The following MTMR7 variants were observed in gnomAD, a reference collection of about 807,000 sequenced individuals.
MTMR7 encodes the protein myotubularin related protein 7.
In MTMR7, 76 loss-of-function variants were observed where a neutral mutation model predicts 81.2. That is an observed-to-expected ratio of 0.94 (90% CI 0.78 to 1.13). The LOEUF is 1.13. Ranked by LOEUF, MTMR7 falls within the 50% of genes most tolerant of loss-of-function variation. The probability of loss-of-function intolerance (pLI) is 0.00; values close to 1 mark genes in which losing one functional copy is unlikely to be tolerated. For missense variants in MTMR7, 1,044 were observed against 820.0 expected, an observed-to-expected ratio of 1.27 and a Z score of -3.34; for synonymous variants, 372 against 289.8, an observed-to-expected ratio of 1.28 and a Z score of -2.88.
intron 1 of MTMR7, among the ~76,000 whole-genome samples, chr8:17,410,179 T>C (rs1003276010): frequency 2.6e-5 from 4 of 152,132 alleles, no homozygotes; most frequent in Non-Finnish European, 4.4e-5. Context: ...AGGGTCAGAC[T>C]AGGGGGTAGG....
intron 1 of MTMR7, among the ~76,000 whole-genome samples, chr8:17,394,896 G>A (rs1192686057): frequency 6.6e-6 from 1 of 151,996 alleles, no homozygotes; most frequent in Non-Finnish European, 1.5e-5. Flanking sequence ...TTATGTGCCA[G>A]GAAATGTATT....
intron 4 of MTMR7, among the ~76,000 whole-genome samples, chr8:17,352,191 T>A (rs1243184395): frequency 2.0e-5 from 3 of 152,268 alleles, no homozygotes; most frequent in African/African-American, 7.2e-5. Flanking sequence ...CAAAATATAG[T>A]ACAAAGCCAT....
intron 1 of MTMR7, among the ~76,000 whole-genome samples, chr8:17,402,774 G>C (rs1320466037): frequency 1.3e-5 from 2 of 152,156 alleles, no homozygotes; most frequent in Non-Finnish European, 2.9e-5. Context: ...TAGTGGGCTT[G>C]CTGGATTGTA....
At chr8:17,375,968 C>T (rs1820573738) in intron 1 of MTMR7, among the ~76,000 whole-genome samples, 1 of 152,162 alleles carries the variant, frequency 6.6e-6, no homozygotes, top group South Asian at 2.1e-4. Flanking sequence ...GTTTTTAGCA[C>T]ATTCACAACA....
chr8:17,348,800 G>A (rs981810190), intron 5 of MTMR7, among the ~76,000 whole-genome samples, 153 bp downstream of exon 5: 4 of 152,114 alleles, frequency 2.6e-5, no homozygotes, highest in Admixed American at 2.6e-4. Flanking sequence ...ACTTAGCATA[G>A]TTGTATCATG....
At chr8:17,317,264 A>G (rs1005715907) in intron 7 of MTMR7, among the ~76,000 whole-genome samples, 1 of 152,178 alleles carries the variant, frequency 6.6e-6, no homozygotes, top group African/African-American at 2.4e-5. Context: ...TGCCGTGTGC[A>G]TGGGCAGGCT....
At chr8:17,345,230 C>T (rs527964616) in intron 5 of MTMR7, among the ~76,000 whole-genome samples, 15 of 152,350 alleles carry the variant, frequency 9.8e-5, no homozygotes, top group South Asian at 4.1e-4. Context: ...TTCCCTGCCA[C>T]GCTCTGCTCC....
At chr8:17,317,474 T>C (rs73666111) in intron 7 of MTMR7, among the ~76,000 whole-genome samples, 35 of 152,278 alleles carry the variant, frequency 2.3e-4, no homozygotes, top group African/African-American at 8.2e-4. Flanking sequence ...ACTTAACCCC[T>C]GTTTTTGGCC....
chr8:17,354,987 G>C (rs541470584), intron 4 of MTMR7, among the ~76,000 whole-genome samples: 4 of 152,160 alleles, frequency 2.6e-5, no homozygotes, highest in Non-Finnish European at 4.4e-5. Flanking sequence ...TTGTTTTGCT[G>C]TGTGTTGCTT....
At chr8:17,316,181 C>G (rs1182103107) in intron 7 of MTMR7, among the ~76,000 whole-genome samples, 1 of 152,090 alleles carries the variant, frequency 6.6e-6, no homozygotes, top group East Asian at 1.9e-4. Context: ...GTTTCCTCAA[C>G]TGTAAAATGG....
chr8:17,394,543 G>C (rs887570741), intron 1 of MTMR7, among the ~76,000 whole-genome samples: 8 of 152,086 alleles, frequency 5.3e-5, no homozygotes, highest in Non-Finnish European at 8.8e-5. Context: ...AGAGAAAGGA[G>C]GGATGACTGC....
intron 6 of MTMR7, among the ~76,000 whole-genome samples, chr8:17,333,784 C>T (rs1166261622): frequency 1.3e-5 from 2 of 152,026 alleles, no homozygotes; most frequent in African/African-American, 2.4e-5. Flanking sequence ...GGGAGGTCAA[C>T]GCTGCAGTGA....
At position 17,367,003 on chromosome 8, in the gene MTMR7, G is replaced by C. The variant is rs909164538; in HGVS notation, c.310+4034C>G. 6.7e-5 allele frequency among the ~76,000 whole-genome samples: 10 copies of C among 149,998 alleles called. No homozygotes were observed. The East Asian group carries it at 1.9e-3, about 29-fold the overall frequency. On this transcript the variant is annotated intron_variant, in intron 3 of 13. Coordinates refer to ENST00000180173, the MANE Select transcript of MTMR7 (RefSeq NM_004686.5). ...GAGGGTGCCTCACCTTATCTGTCTT[G>C]TTTTAAGCAAACAAGTGTTGAAATT... is the stretch of plus-strand genomic sequence containing the variant.
chr8:17,350,292 A>T (rs1819688140), intron 4 of MTMR7, among the ~76,000 whole-genome samples: 1 of 152,194 alleles, frequency 6.6e-6, no homozygotes, highest in Non-Finnish European at 1.5e-5. Flanking sequence ...AACACTTGAG[A>T]CTGGGTAATT....
intron 13 of MTMR7, 190 bp from the exon 14 acceptor site, chr8:17,300,414 T>A (rs1489327727): frequency 1.6e-6 from 1 of 611,680 alleles, no homozygotes; most frequent in East Asian, 2.8e-5. Flanking sequence ...TTATCTCTAA[T>A]GTAAGGATAA....
intron 7 of MTMR7, among the ~76,000 whole-genome samples, chr8:17,320,752 C>T (rs1818344217): frequency 2.0e-5 from 3 of 152,190 alleles, no homozygotes; most frequent in Admixed American, 2.0e-4. Flanking sequence ...GCCCTCCAAG[C>T]ATCAGGCTCA....
At chr8:17,386,308 G>A (rs144676811) in intron 1 of MTMR7, among the ~76,000 whole-genome samples, 2 of 152,316 alleles carry the variant, frequency 1.3e-5, no homozygotes, top group African/African-American at 4.8e-5. Context: ...AGCCAGGGAG[G>A]TCAAGGCTGC....
intron 10 of MTMR7, 130 bp downstream of exon 10, chr8:17,309,147 A>C: frequency 1.5e-6 from 1 of 656,680 alleles, no homozygotes; most frequent in Admixed American, 2.9e-5. Flanking sequence ...ATATACAACA[A>C]AATTTAAGCT....
chr8:17,302,893 T>C (rs898176103), intron 12 of MTMR7, among the ~76,000 whole-genome samples: 3 of 151,752 alleles, frequency 2.0e-5, no homozygotes, highest in Non-Finnish European at 2.9e-5. Context: ...TTTTTTTTAG[T>C]AGAGACAGGG....
Sources: allele counts gnomAD v4.1 joint callset (sites outside exome capture counted in the v4.1 genomes callset), GRCh38; gene constraint gnomAD v4.1.1; transcripts MANE v1.5; gene names NCBI Gene and HGNC (gene_info 2026-07-23, HGNC 2026-07-21).